Variants in CCDC197 observed in about 807,000 individuals in gnomAD.
CCDC197 encodes coiled-coil domain containing 197, also known as uncharacterized protein CCDC197.
Under a neutral mutation model 13.4 loss-of-function variants are expected in CCDC197, and 24 were observed. The observed-to-expected ratio is 1.80, with a 90% CI of 1.30 to 2.53. The LOEUF is 2.53. Ranked by LOEUF, CCDC197 falls within the 30% of genes most tolerant of loss-of-function variation. The probability of loss-of-function intolerance (pLI) is 0.00; values close to 1 mark genes in which losing one functional copy is unlikely to be tolerated. For synonymous variants in CCDC197, 99 were observed against 55.5 expected, an observed-to-expected ratio of 1.78 and a Z score of -3.48; for missense variants, 255 against 148.8, an observed-to-expected ratio of 1.71 and a Z score of -3.71.
chr14:94,004,599 C>T (rs1248889656), intron 5 of CCDC197, among the ~76,000 whole-genome samples: 4 of 152,164 alleles, frequency 2.6e-5, no homozygotes, highest in East Asian at 1.9e-4. Context: ...GTGTGGACCC[C>T]GATGCCTCCA....
chr14:94,002,142 C>T (rs1890534977), intron 4 of CCDC197, among the ~76,000 whole-genome samples: 1 of 152,186 alleles, frequency 6.6e-6, no homozygotes. Context: ...GCAAGTCCAG[C>T]CATGCTATTC....
At chr14:94,009,833 T>G (rs1455151532), downstream of CCDC197, among the ~76,000 whole-genome samples, 1 of 152,232 alleles carries the variant, frequency 6.6e-6, no homozygotes, top group African/African-American at 2.4e-5. Flanking sequence ...AGGCACTTGC[T>G]TGCTTTCGTT....
chr14:93,995,629 C>T (rs1382765234), upstream of CCDC197, among the ~76,000 whole-genome samples: 1 of 152,162 alleles, frequency 6.6e-6, no homozygotes, highest in Non-Finnish European at 1.5e-5. Flanking sequence ...GGCACATGGC[C>T]CAGGCTCAGC....
In CCDC197 at chr14:93,998,121, G is replaced by A. The variant is rs1247174658; in HGVS notation, c.-11G>A. On this transcript the variant is annotated 5_prime_UTR_variant, in exon 2 of 7. It adds an upstream start codon to the 5' untranslated region. Coordinates refer to ENST00000636493, the MANE Select transcript of CCDC197 (RefSeq NM_001351596.2). ...CTCCTGTCCTCCTGCATAGCTTGCGGTGGTGAGGTGATGGCAGCCATGGAC... is the reference window on the plus strand; with the variant it reads ...CTCCTGTCCTCCTGCATAGCTTGCGATGGTGAGGTGATGGCAGCCATGGAC... 1 of 780,610 alleles carries A rather than the reference G, an allele frequency of 1.3e-6. No individual in the cohort carries two copies. The highest frequency in any genetic ancestry group is 1.7e-5 in the Admixed American group (1 of 59,038). The allele number at this position is 780,610 out of a possible 1,614,324, so 48.4% of individuals were successfully genotyped here. A position where few individuals can be genotyped will look rare whatever the true frequency, so the allele number is the denominator to read the frequency against.
At chr14:93,995,998 C>A (rs1890287678), upstream of CCDC197, among the ~76,000 whole-genome samples, 1 of 152,222 alleles carries the variant, frequency 6.6e-6, no homozygotes. Context: ...TTCCGTGCCT[C>A]CGAACCTTTG....
At chr14:94,011,225 C>T (rs143347787), downstream of CCDC197, among the ~76,000 whole-genome samples, 49 of 152,310 alleles carry the variant, frequency 3.2e-4, no homozygotes, top group African/African-American at 1.1e-3. Context: ...CCACCTTCTA[C>T]GCCCAGGGTG....
chr14:93,993,107 C>A (rs1316482340), upstream of CCDC197, among the ~76,000 whole-genome samples: 2 of 152,184 alleles, frequency 1.3e-5, no homozygotes, highest in Non-Finnish European at 2.9e-5. Flanking sequence ...TGCCAGCCAA[C>A]CCCAGCAACC....
In CCDC197 at chr14:94,003,100, C is replaced by T; in HGVS notation, c.367-123C>T. The T allele has an allele frequency of 1.6e-6, 1 of 617,558 alleles. No individual in the cohort carries two copies. The highest frequency in any genetic ancestry group is 2.0e-5 in the South Asian group (1 of 50,214). 38.3% of individuals were successfully genotyped at this position (617,558 alleles called of 1,614,324 possible). On this transcript the variant is annotated intron_variant, in intron 4 of 6. Transcript: ENST00000636493. This position sits in a 1 kb window ranked among gnomAD's most constrained non-coding sequence, Gnocchi z 5.0. ...GCATCTCTGGTGCCTTGAATGGCCC[C>T]AGCCACCCACAAGTATTCCTTCCTC...
intron 4 of CCDC197, among the ~76,000 whole-genome samples, chr14:94,002,646 A>T (rs1454650271): frequency 1.3e-5 from 2 of 152,138 alleles, no homozygotes; most frequent in African/African-American, 2.4e-5. Context: ...CGAGGTCAGG[A>T]GTTCAAGACC....
At chr14:93,996,682 C>T (rs919479945), upstream of CCDC197, among the ~76,000 whole-genome samples, 5 of 152,202 alleles carry the variant, frequency 3.3e-5, no homozygotes, top group African/African-American at 1.2e-4. Flanking sequence ...TCTGAGGTTG[C>T]CCAGCTCTGA....
chr14:94,000,816 C>G (rs1478136596), intron 3 of CCDC197: 2 of 226,336 alleles, frequency 8.8e-6, no homozygotes, highest in African/African-American at 4.6e-5. Flanking sequence ...GGAACAATTC[C>G]TATCCCCCTC....
intron 6 of CCDC197, among the ~76,000 whole-genome samples, chr14:94,007,910 A>C (rs993128966): frequency 6.6e-6 from 1 of 152,208 alleles, no homozygotes; most frequent in African/African-American, 2.4e-5. Flanking sequence ...CTTCTCCAGG[A>C]GCCTCACAGG....
chr14:94,007,986 C>T (rs1445521015), intron 6 of CCDC197, among the ~76,000 whole-genome samples: 1 of 152,214 alleles, frequency 6.6e-6, no homozygotes, highest in Non-Finnish European at 1.5e-5. Context: ...GTGTAATTGG[C>T]ATCCCTAGTT....
chr14:94,002,197 C>T (rs550175171), intron 4 of CCDC197, among the ~76,000 whole-genome samples: 189 of 152,244 alleles, frequency 1.2e-3, no homozygotes, highest in Non-Finnish European at 2.3e-3. Context: ...AGAAGCGGGG[C>T]CACGGGGGTA....
chr14:94,005,895 A>G (rs931619716), intron 6 of CCDC197, among the ~76,000 whole-genome samples: 1 of 152,226 alleles, frequency 6.6e-6, no homozygotes, highest in African/African-American at 2.4e-5. Flanking sequence ...TTGTTTATCC[A>G]TTCATCAGTT....
intron 6 of CCDC197, among the ~76,000 whole-genome samples, chr14:94,006,356 A>ATTG (rs745998899): frequency 1.4e-4 from 20 of 142,686 alleles, no homozygotes; most frequent in African/African-American, 4.9e-4. Context: ...GATTATTTGT[A>ATTG]TTTTTTTTTT....
At chr14:94,005,366 C>A (rs560562042) in intron 6 of CCDC197, among the ~76,000 whole-genome samples, 2 of 152,166 alleles carry the variant, frequency 1.3e-5, no homozygotes, top group East Asian at 3.8e-4. Flanking sequence ...CTTGCACGCA[C>A]GAAGATACAA....
downstream of CCDC197, among the ~76,000 whole-genome samples, chr14:94,009,544 C>A (rs1890775791): frequency 6.6e-6 from 1 of 152,100 alleles, no homozygotes. Flanking sequence ...GCTTGGGCAA[C>A]ATAGGGAGAG....
rs147971680 is a variant in CCDC197, at chr14:93,989,212, T to C, written c.-107+1816T>C. 3.4e-3 allele frequency among the ~76,000 whole-genome samples: 521 copies of C among 152,170 alleles called. 2 individuals are homozygous for C. Among genetic ancestry groups the C allele is most frequent in the African/African-American group, 0.012 (485 of 41,484 alleles). ...CTGCCGCAGACCCTAGGGAGTTAGA[T>C]TGGCTATCCTCAAAATGGCCAGCCA... On this transcript the variant is annotated intron_variant, in intron 1 of 7. Coordinates refer to the CCDC197 transcript ENST00000640978.
Sources: gnomAD v4.1 joint callset for allele counts (sites outside exome capture counted in the v4.1 genomes callset) on GRCh38, gnomAD v4.1.1 for gene constraint, Gnocchi (gnomAD v3.1) non-coding constraint, MANE v1.5 for transcripts, NCBI Gene and HGNC (gene_info 2026-07-23, HGNC 2026-07-21) for gene names.